Variants in ENO2 observed in about 807,000 individuals in gnomAD.
ENO2 encodes the protein enolase 2.
A neutral mutation model predicts 48.7 loss-of-function variants in ENO2; 19 were observed. That is an observed-to-expected ratio of 0.39 (90% CI 0.27 to 0.57). The LOEUF is 0.57. Ranked by LOEUF, ENO2 falls within the 20% of genes least tolerant of loss-of-function variation. The probability of loss-of-function intolerance (pLI) is 0.58; values close to 1 mark genes in which losing one functional copy is unlikely to be tolerated. For missense variants in ENO2, 416 were observed against 555.0 expected, an observed-to-expected ratio of 0.75 and a Z score of 2.52; for synonymous variants, 198 against 213.4, an observed-to-expected ratio of 0.93 and a Z score of 0.63.
chr12:6,916,767 G>T lies in ENO2; in HGVS notation c.240+38G>T. On this transcript the variant is annotated intron_variant, in intron 4 of 11. Coordinates refer to ENST00000229277, the MANE Select transcript of ENO2 (RefSeq NM_001975.3). This position sits in a 1 kb window ranked among gnomAD's most constrained non-coding sequence, Gnocchi z 4.5. ...CTTTGCTGGGGATAGCAGGGCCAGA[G>T]TTCTGGAAGGAATCCCGGAGCAGGG... The T allele has an allele frequency of 3.1e-6, 5 of 1,612,168 alleles. No individual in the cohort carries two copies. Among genetic ancestry groups the T allele is most frequent in the Non-Finnish European group, 2.5e-6 (3 of 1,178,636 alleles).
In ENO2 at chr12:6,917,936, C is replaced by T. The variant is rs1945307002; in HGVS notation, c.445-4C>T. ...GACCCTTCTGTCTTTCTGTGGCTCC[C>T]CAGGCCTTCAACGTGATCAATGGTG... On this transcript the variant is annotated splice_region_variant and splice_polypyrimidine_tract_variant and intron_variant, in intron 6 of 11. Coordinates refer to ENST00000229277, the MANE Select transcript of ENO2 (RefSeq NM_001975.3). 5.6e-6 allele frequency: 9 copies of T among 1,613,792 alleles called. No homozygotes were observed. In the East Asian group the frequency reaches 2.0e-4, roughly 36 times the overall value.
chr12:6,921,528 G>A, intron 8 of ENO2, 53 bp from the exon 9 acceptor site: 1 of 1,583,094 alleles, frequency 6.3e-7, no homozygotes, highest in Non-Finnish European at 8.7e-7. Flanking sequence ...GCCTGATGTA[G>A]AGACCCAGGG....
rs782353734 is a variant in ENO2 at position 6,915,840 on chromosome 12, T to C, written c.8T>C (p.Ile3Thr). 13 of 1,608,004 alleles carry C rather than the reference T, an allele frequency of 8.1e-6. No individual in the cohort carries two copies. The highest frequency in any genetic ancestry group is 4.5e-5 in the East Asian group (2 of 44,416). Residue 3 changes from isoleucine (I) to threonine (T), a missense_variant, in exon 2 of 12, where the codon ATA becomes ACA. Transcript: ENST00000229277. MS[I>T]EKIWAREILD... ...GAGGAGATCCCAGCCATCATGTCCA[T>C]AGAGAAGATCTGGGCCCGGGAGATC...
chr12:6,915,963 G>T, intron 2 of ENO2, 46 bp downstream of exon 2: 1 of 1,607,556 alleles, frequency 6.2e-7, no homozygotes, highest in Non-Finnish European at 8.5e-7. Flanking sequence ...GCTTTTCCAC[G>T]GCCAGGCTGG....
At position 6,917,108 on chromosome 12, in the gene ENO2, G is replaced by T; in HGVS notation, c.310+1G>T. 1.2e-6 allele frequency: 2 copies of T among 1,614,114 alleles called. No individual in the cohort carries two copies. Among genetic ancestry groups the T allele is most frequent in the Non-Finnish European group, 1.7e-6 (2 of 1,180,014 alleles). On this transcript the variant is annotated splice_donor_variant, in intron 5 of 11. Coordinates refer to ENST00000229277, the MANE Select transcript of ENO2 (RefSeq NM_001975.3). LOFTEE classifies it high-confidence loss of function. ...GAGTTGGATGGGACTGAGAACAAAT[G>T]TGAGCCGGGGCCGGGAGAAAGTGGG...
rs1555141933 is a variant in ENO2 at position 6,919,665 on chromosome 12, A to G, written c.767A>G (p.Lys256Arg). The G allele has an allele frequency of 6.2e-7, 1 of 1,614,182 alleles. No individual in the cohort carries two copies. The highest frequency in any genetic ancestry group is 1.1e-5 in the South Asian group (1 of 91,076). ...GCCTCAGAGTTTTATCGTGATGGCA[A>G]ATATGACTTGGACTTCAAGTCTCCC... ...VAASEFYRDGKYDLDFKSPTD... is the reference protein window; with the variant it reads ...VAASEFYRDGRYDLDFKSPTD... Residue 256 changes from lysine (K) to arginine (R), a missense_variant, in exon 8 of 12, where the codon AAA (lysine) becomes AGA (arginine). Coordinates refer to ENST00000229277, the MANE Select transcript of ENO2 (RefSeq NM_001975.3).
In ENO2 at chr12:6,917,736, G is replaced by A. The variant is rs112426409; in HGVS notation, c.444+22G>A. On this transcript the variant is annotated intron_variant, in intron 6 of 11. Transcript: ENST00000229277. The stretch of plus-strand genomic sequence containing the variant: ...GCCGGTGAGCAATAAGCCAGCCTGC[G>A]GCTCTCCCAGGGGCGGGTGGGGGAG... 1.1e-4 allele frequency: 183 copies of A among 1,609,916 alleles called. No individual in the cohort carries two copies. The African/African-American group carries it at 1.2e-3, about 11-fold the overall frequency.
In ENO2 at chr12:6,922,494, C is replaced by G. The variant is rs1444641469; in HGVS notation, c.1235+92C>G. 41 of 1,517,344 alleles carry G rather than the reference C, an allele frequency of 2.7e-5. No homozygotes were observed. The highest frequency in any genetic ancestry group is 2.7e-6 in the Non-Finnish European group (3 of 1,094,086). 94.0% of individuals were successfully genotyped at this position (1,517,344 alleles called of 1,614,324 possible). A position where few individuals can be genotyped will look rare whatever the true frequency, so the allele number is the denominator to read the frequency against. On this transcript the variant is annotated intron_variant, in intron 11 of 11. Coordinates refer to ENST00000229277, the MANE Select transcript of ENO2 (RefSeq NM_001975.3). This position sits in a 1 kb window ranked among gnomAD's most constrained non-coding sequence, Gnocchi z 5.3. Reference sequence around the variant, plus strand: ...TCTGTAGCACCAAGGGCCTGGATAACAGTCCATTTCCTGGATAACAGTCCA... The same window carrying G: ...TCTGTAGCACCAAGGGCCTGGATAAGAGTCCATTTCCTGGATAACAGTCCA...
At chr12:6,917,169 G>C (rs782716149) in intron 5 of ENO2, 62 bp downstream of exon 5, 1 of 1,594,552 alleles carries the variant, frequency 6.3e-7, no homozygotes. Flanking sequence ...AGCAGATAGA[G>C]AGCTGAAGGG....
rs372330407 is a variant in ENO2, at chr12:6,918,177, C to G, written c.667+15C>G. On this transcript the variant is annotated intron_variant, in intron 7 of 11. Coordinates refer to ENST00000229277, the MANE Select transcript of ENO2 (RefSeq NM_001975.3). Reference sequence around the variant, plus strand: ...GAACAGTGAAGGTGAGGCCAGGAGCCCCACTCCCAGCTCTAAGTCTTACCC... The same window carrying G: ...GAACAGTGAAGGTGAGGCCAGGAGCGCCACTCCCAGCTCTAAGTCTTACCC... 7.4e-6 allele frequency: 12 copies of G among 1,612,996 alleles called. No homozygotes were observed. Among genetic ancestry groups the G allele is most frequent in the Non-Finnish European group, 9.3e-6 (11 of 1,179,290 alleles).
intron 7 of ENO2, among the ~76,000 whole-genome samples, chr12:6,919,330 G>A (rs114001857): frequency 0.012 from 1,755 of 152,212 alleles, 29 homozygotes; most frequent in African/African-American, 0.04. Flanking sequence ...TATATAAAAT[G>A]CTTAGATGAC....
chr12:6,916,007 C>A lies in ENO2; in HGVS notation c.85+90C>A. ...AGGGGTTCGGAGGCCTTTTTTGATA[C>A]CCAGGGGTATGGGGTGCTGGGCCAG... is the stretch of plus-strand genomic sequence containing the variant. On this transcript the variant is annotated intron_variant, in intron 2 of 11. Coordinates refer to ENST00000229277, the MANE Select transcript of ENO2 (RefSeq NM_001975.3). This position sits in a 1 kb window ranked among gnomAD's most constrained non-coding sequence, Gnocchi z 4.5. The A allele has an allele frequency of 7.3e-7, 1 of 1,372,908 alleles. No individual in the cohort carries two copies. Among genetic ancestry groups the A allele is most frequent in the Non-Finnish European group, 1.0e-6 (1 of 968,062 alleles). 85.0% of individuals were successfully genotyped at this position (1,372,908 alleles called of 1,614,324 possible).
Position 6,922,087 on chromosome 12 carries a change from G to A in ENO2, c.1099G>A (p.Val367Ile). Reference protein sequence around the residue: ...CKLAQENGWGVMVSHRSGETE... With the variant: ...CKLAQENGWGIMVSHRSGETE... ...GCTGGCCCAGGAGAATGGCTGGGGG[G>A]TCATGGTGAGTCATCGCTCAGGAGA... The change falls in exon 10 of 12, where the codon GTC becomes ATC. Residue 367 changes from valine to isoleucine, a missense_variant. By Grantham distance (29) the Val-to-Ile change is conservative. Transcript: ENST00000229277. This position sits in a 1 kb window ranked among gnomAD's most constrained non-coding sequence, Gnocchi z 5.3. The A allele has an allele frequency of 6.2e-7, 1 of 1,614,178 alleles. No individual in the cohort carries two copies. The highest frequency in any genetic ancestry group is 2.2e-5 in the East Asian group (1 of 44,880).
chr12:6,915,952 AGCTTTTCCACGGCCAG>A, intron 2 of ENO2, 35 bp downstream of exon 2: 1 of 1,611,014 alleles, frequency 6.2e-7, no homozygotes, highest in Non-Finnish European at 8.5e-7. Context: ...CTACAGCCCT[AGCTTTTCCACGGCCAG>A]GCTGGGTTCG....
At chr12:6,918,852 T>G (rs1465922299) in intron 7 of ENO2, among the ~76,000 whole-genome samples, 1 of 151,436 alleles carries the variant, frequency 6.6e-6, no homozygotes, top group Non-Finnish European at 1.5e-5. Flanking sequence ...CATGGTGGCG[T>G]GTGCCTGTAA....
rs1945347667 is a variant in ENO2 at position 6,922,253 on chromosome 12, G to A, written c.1176+89G>A. On this transcript the variant is annotated intron_variant, in intron 10 of 11. Coordinates refer to ENST00000229277, the MANE Select transcript of ENO2 (RefSeq NM_001975.3). The surrounding 1 kb of genome is among the most constrained non-coding windows in gnomAD (Gnocchi z 5.3). ...ACCTGGTCTCTCCTTCCAGGTGTTT[G>A]AGGGTGTCAGGGGAGTTTCAGGAGA... The A allele has an allele frequency of 6.2e-7, 1 of 1,609,588 alleles. No homozygotes were observed. The highest frequency in any genetic ancestry group is 1.3e-5 in the African/African-American group (1 of 74,948).
Position 6,921,622 on chromosome 12 carries a change from G to C in ENO2, c.907G>C (p.Ala303Pro), listed in dbSNP as rs782148160. The change falls in exon 9 of 12, where the codon GCC (alanine) becomes CCC (proline). Residue 303 changes from alanine (A) to proline (P), a missense_variant. Ala to Pro is a conservative substitution (Grantham distance 27). Transcript: ENST00000229277. ...CCCATTTGACCAGGATGATTGGGCT[G>C]CCTGGTCCAAGTTCACAGCCAATGT... The part of the protein sequence containing the change: ...EDPFDQDDWA[A>P]WSKFTANVGI... 1 of 1,614,106 alleles carries C rather than the reference G, an allele frequency of 6.2e-7. No individual in the cohort carries two copies. The highest frequency in any genetic ancestry group is 1.1e-5 in the South Asian group (1 of 91,080).
Position 6,922,769 on chromosome 12 carries a change from G to C in ENO2, c.1274G>C (p.Gly425Ala), listed in dbSNP as rs1945353103. The change falls in exon 12 of 12, where the codon GGA (glycine) becomes GCA (alanine). Residue 425 changes from glycine to alanine, a missense_variant. Transcript: ENST00000229277. This position sits in a 1 kb window ranked among gnomAD's most constrained non-coding sequence, Gnocchi z 5.3. Reference sequence around the variant, plus strand: ...CTGGGGGATGAAGCTCGCTTTGCCGGACATAACTTCCGTAATCCCAGTGTG... The same window carrying C: ...CTGGGGGATGAAGCTCGCTTTGCCGCACATAACTTCCGTAATCCCAGTGTG... ...EELGDEARFA[G>A]HNFRNPSVL is the part of the protein sequence containing the mutation. 1 of 1,614,076 alleles carries C rather than the reference G, an allele frequency of 6.2e-7. No individual in the cohort carries two copies. Among genetic ancestry groups the C allele is most frequent in the Non-Finnish European group, 8.5e-7 (1 of 1,180,004 alleles).
Position 6,918,889 on chromosome 12 carries a change from G to T in ENO2, c.668-677G>T, listed in dbSNP as rs1945316070. On this transcript the variant is annotated intron_variant, in intron 7 of 11. Transcript: ENST00000229277. ...CACAGATACTAGCGGGGCTGAGGCAGGAGGATCGCTTGTACCCGGGAGGCG... is the reference window on the plus strand; with the variant it reads ...CACAGATACTAGCGGGGCTGAGGCATGAGGATCGCTTGTACCCGGGAGGCG... 2.0e-5 allele frequency among the ~76,000 whole-genome samples: 3 copies of T among 151,254 alleles called. No homozygotes were observed. In the South Asian group the frequency reaches 6.2e-4, roughly 31 times the overall value.
Sources: gnomAD v4.1 joint callset for allele counts (sites outside exome capture counted in the v4.1 genomes callset) on GRCh38, gnomAD v4.1.1 for gene constraint, Gnocchi (gnomAD v3.1) non-coding constraint, MANE v1.5 for transcripts, NCBI Gene and HGNC (gene_info 2026-07-23, HGNC 2026-07-21) for gene names.